Variants in CTNND2 observed in about 807,000 individuals in gnomAD.
CTNND2 encodes the protein catenin delta-2.
Under a neutral mutation model 144.4 loss-of-function variants are expected in CTNND2, and 22 were observed. That is an observed-to-expected ratio of 0.15 (90% CI 0.11 to 0.22). The LOEUF (loss-of-function observed/expected upper bound fraction) is 0.22. CTNND2 is among the 10% of genes least tolerant of loss of function. The pLI is 1.00. For synonymous variants in CTNND2, 751 were observed against 695.6 expected (o/e 1.08, Z -1.25); for missense variants, 1,353 against 1,618.8 (o/e 0.84, Z 2.82).
intron 1 of CTNND2, among the ~76,000 whole-genome samples, chr5:11,740,112 G>T (rs1268163464): frequency 1.3e-5 from 2 of 152,128 alleles, no homozygotes; most frequent in Non-Finnish European, 2.9e-5. Flanking sequence ...TGGTCATACT[G>T]CCCAAGGTAA....
At chr5:11,519,981 A>C (rs958596976) in intron 3 of CTNND2, among the ~76,000 whole-genome samples, 7 of 142,222 alleles carry the variant, frequency 4.9e-5, no homozygotes, top group Non-Finnish European at 7.4e-5. Flanking sequence ...TCTACTAAAA[A>C]TAGAATAAAA....
At chr5:11,727,095 T>C (rs2126730992) in intron 2 of CTNND2, among the ~76,000 whole-genome samples, 2 of 152,334 alleles carry the variant, frequency 1.3e-5, no homozygotes, top group East Asian at 3.9e-4. Context: ...AAGTAGTTTA[T>C]GATTTGTTTC....
chr5:11,236,934 A>G, intron 9 of CTNND2, 111 bp from the exon 10 acceptor site: 6 of 1,165,718 alleles, frequency 5.1e-6, no homozygotes, highest in Non-Finnish European at 7.4e-6. Flanking sequence ...AAAATATTTC[A>G]TAAATGACTG....
chr5:11,867,660 A>G (rs1431294818), intron 1 of CTNND2, among the ~76,000 whole-genome samples: 2 of 151,484 alleles, frequency 1.3e-5, no homozygotes, highest in Middle Eastern at 3.2e-3. Flanking sequence ...CATTCATTCA[A>G]TAATATCTAT....
intron 6 of CTNND2, among the ~76,000 whole-genome samples, chr5:11,392,052 G>T (rs154752): frequency 6.6e-6 from 1 of 152,006 alleles, no homozygotes; most frequent in Non-Finnish European, 1.5e-5. Context: ...AAATTATGGA[G>T]GAGGGGGAGA....
intron 2 of CTNND2, among the ~76,000 whole-genome samples, chr5:11,718,649 G>GA (rs1425146103): frequency 2.0e-5 from 3 of 151,908 alleles, no homozygotes; most frequent in Admixed American, 6.6e-5. Context: ...AAGTAAGAGA[G>GA]AAAAAATCTA....
At chr5:11,609,805 G>A (rs183273935) in intron 2 of CTNND2, among the ~76,000 whole-genome samples, 51 of 152,234 alleles carry the variant, frequency 3.4e-4, no homozygotes, top group Admixed American at 2.9e-3. Context: ...TTGAACCTGG[G>A]AGCCTTCTGC....
intron 2 of CTNND2, among the ~76,000 whole-genome samples, chr5:11,693,179 G>A (rs894742738): frequency 1.4e-4 from 21 of 152,166 alleles, no homozygotes; most frequent in African/African-American, 4.3e-4. Flanking sequence ...AGATGAGGAC[G>A]CGGGAAAAAG....
chr5:11,459,724 A>G (rs1484382906), intron 3 of CTNND2, among the ~76,000 whole-genome samples: 1 of 152,216 alleles, frequency 6.6e-6, no homozygotes, highest in African/African-American at 2.4e-5. Context: ...AACTAATGAC[A>G]ATAAAACTTT....
chr5:11,394,269 T>G (rs1280817568), intron 6 of CTNND2, among the ~76,000 whole-genome samples: 3 of 152,210 alleles, frequency 2.0e-5, no homozygotes, highest in Non-Finnish European at 2.9e-5. Flanking sequence ...CCTTGAGGAC[T>G]GGGATCATGT....
chr5:11,061,963 C>A (rs1747038465), intron 16 of CTNND2, among the ~76,000 whole-genome samples: 1 of 152,188 alleles, frequency 6.6e-6, no homozygotes, highest in Non-Finnish European at 1.5e-5. Flanking sequence ...TCTGCCTCGG[C>A]CTCCCAAAGA....
At chr5:11,379,374 G>C (rs925929536) in intron 7 of CTNND2, among the ~76,000 whole-genome samples, 1 of 152,006 alleles carries the variant, frequency 6.6e-6, no homozygotes, top group Non-Finnish European at 1.5e-5. Context: ...AGAGATTCTG[G>C]GGTCAAAGCG....
intron 17 of CTNND2, among the ~76,000 whole-genome samples, chr5:11,021,442 A>G (rs140295698): frequency 1.3e-4 from 20 of 152,322 alleles, no homozygotes; most frequent in Admixed American, 7.2e-4. Flanking sequence ...TAGAGATTCC[A>G]AAGGTCTATT....
intron 3 of CTNND2, among the ~76,000 whole-genome samples, chr5:11,416,755 T>A (rs1291603473): frequency 6.6e-6 from 1 of 152,180 alleles, no homozygotes; most frequent in Non-Finnish European, 1.5e-5. Flanking sequence ...TTTTTGAAGG[T>A]GTTATAACTT....
intron 11 of CTNND2, 56 bp from the exon 12 acceptor site, chr5:11,159,815 A>C: frequency 2.2e-6 from 3 of 1,384,758 alleles, no homozygotes; most frequent in Non-Finnish European, 3.0e-6. Context: ...TCTCATCTCC[A>C]AAACTGTCTT....
intron 15 of CTNND2, among the ~76,000 whole-genome samples, chr5:11,085,254 G>T (rs576533876): frequency 6.6e-6 from 1 of 152,228 alleles, no homozygotes; most frequent in Non-Finnish European, 1.5e-5. Context: ...CTGGTGAGCA[G>T]TGATGTGTTT....
chr5:11,369,487 A>G (rs987821481), intron 7 of CTNND2, among the ~76,000 whole-genome samples: 1 of 152,194 alleles, frequency 6.6e-6, no homozygotes, highest in East Asian at 1.9e-4. Flanking sequence ...CAACAAAACA[A>G]TGTATTTATT....
intron 7 of CTNND2, among the ~76,000 whole-genome samples, chr5:11,375,027 T>C (rs1474679199): frequency 1.3e-5 from 2 of 152,162 alleles, no homozygotes; most frequent in Non-Finnish European, 2.9e-5. Context: ...GTTGTCTTTG[T>C]AAATGGGTTC....
chr5:11,311,521 CACAT>C (rs1193007845), intron 9 of CTNND2, among the ~76,000 whole-genome samples: 2 of 148,240 alleles, frequency 1.3e-5, no homozygotes, highest in Non-Finnish European at 3.0e-5. Flanking sequence ...CCTCATCCCA[CACAT>C]ACACTCACAC....
Sources: gnomAD v4.1 joint callset for allele counts (sites outside exome capture counted in the v4.1 genomes callset) on GRCh38, gnomAD v4.1.1 for gene constraint, MANE v1.5 for transcripts, NCBI Gene and HGNC (gene_info 2026-07-23, HGNC 2026-07-21) for gene names.